AKAP6: variants seen among roughly 807,000 people sequenced by gnomAD.
AKAP6 encodes A-kinase anchor protein 6.
In AKAP6, 58 loss-of-function variants were observed where a neutral mutation model predicts 188.5. The observed-to-expected ratio is 0.31, with a 90% CI of 0.25 to 0.38. AKAP6 has a LOEUF of 0.38. AKAP6 is among the 10% of genes least tolerant of loss of function. AKAP6 has a pLI of 1.00. For synonymous variants in AKAP6, 989 were observed against 998.6 expected, an observed-to-expected ratio of 0.99 and a Z score of 0.18; for missense variants, 2,710 against 2,740.0, an observed-to-expected ratio of 0.99 and a Z score of 0.24.
chr14:32,676,482 C>G (rs1420398600), intron 7 of AKAP6, among the ~76,000 whole-genome samples: 1 of 152,156 alleles, frequency 6.6e-6, no homozygotes, highest in African/African-American at 2.4e-5. Flanking sequence ...ATACTAACAT[C>G]ACTAGATCTA....
At chr14:32,570,607 G>A (rs554058878) in intron 4 of AKAP6, among the ~76,000 whole-genome samples, 39 of 152,208 alleles carry the variant, frequency 2.6e-4, no homozygotes, top group African/African-American at 8.9e-4. Flanking sequence ...TTTACATCAG[G>A]CTTTAAACTA....
chr14:32,766,504 T>C (rs1464605810), intron 11 of AKAP6, among the ~76,000 whole-genome samples: 1 of 152,188 alleles, frequency 6.6e-6, no homozygotes, highest in Non-Finnish European at 1.5e-5. Flanking sequence ...CTCCACATCC[T>C]TGTTAACACT....
chr14:32,348,480 T>A (rs1887152189), intron 1 of AKAP6, among the ~76,000 whole-genome samples: 1 of 140,736 alleles, frequency 7.1e-6, no homozygotes. Context: ...AATGACACAA[T>A]CCCAGCCCAC....
At position 32,822,269 on chromosome 14, in the gene AKAP6, C is replaced by T. The variant is rs1437124203; in HGVS notation, c.4456C>T (p.Gln1486Ter). The change falls in exon 13 of 14, where the codon CAG becomes TAG. Residue 1486 changes from glutamine (Q) to a stop codon, truncating the protein, a stop_gained. Transcript: ENST00000280979. LOFTEE classifies it high-confidence loss of function. ...ACTCAAATTACCAATGATAATGAAA[C>T]AGTCACAAAGCGAAAAAGCGCATGT... ...SKLKLPMIMK[Q>*]SQSEKAHVED... 1.2e-6 allele frequency: 2 copies of T among 1,613,882 alleles called. No individual in the cohort carries two copies. The highest frequency in any genetic ancestry group is 1.7e-6 in the Non-Finnish European group (2 of 1,179,918).
At chr14:32,811,255 A>AT (rs1555364948) in intron 12 of AKAP6, among the ~76,000 whole-genome samples, 3 of 118,296 alleles carry the variant, frequency 2.5e-5, no homozygotes, top group African/African-American at 3.2e-5. Context: ...AAAAAAAAAA[A>AT]AGTTGAAAAA....
chr14:32,830,073 C>G lies in AKAP6; in HGVS notation c.*268C>G, dbSNP rs978393283. ...AAAGCTGCTTGTTCTCCCATGGATT[C>G]CTGTCCCAAGCTACCTCTACCAACC... On this transcript the variant is annotated 3_prime_UTR_variant, in exon 14 of 14. Coordinates refer to ENST00000280979, the MANE Select transcript of AKAP6 (RefSeq NM_004274.5). 2 of 666,728 alleles carry G rather than the reference C, an allele frequency of 3.0e-6. No homozygotes were observed. The highest frequency in any genetic ancestry group is 3.6e-5 in the African/African-American group (2 of 55,828). 41.3% of individuals were successfully genotyped at this position (666,728 alleles called of 1,614,324 possible).
chr14:32,511,169 G>T (rs1881238964), intron 2 of AKAP6, among the ~76,000 whole-genome samples: 1 of 152,152 alleles, frequency 6.6e-6, no homozygotes, highest in Admixed American at 6.5e-5. Context: ...TTTCCTTGTT[G>T]TCAGTGTTTT....
intron 1 of AKAP6, among the ~76,000 whole-genome samples, chr14:32,349,408 A>G (rs531896021): frequency 8.6e-4 from 131 of 152,308 alleles, no homozygotes; most frequent in Non-Finnish European, 1.6e-3. Flanking sequence ...AAAATGTTTT[A>G]TGGTGAAAGA....
chr14:32,607,906 CT>C, intron 7 of AKAP6, among the ~76,000 whole-genome samples: 1 of 152,058 alleles, frequency 6.6e-6, no homozygotes, highest in Non-Finnish European at 1.5e-5. Context: ...TCAATAGCCC[CT>C]TTTTTTCGTT....
intron 7 of AKAP6, among the ~76,000 whole-genome samples, chr14:32,637,705 C>T (rs1364565248): frequency 6.6e-6 from 1 of 151,944 alleles, no homozygotes; most frequent in East Asian, 1.9e-4. Context: ...AGAATAAGTG[C>T]ATTAACAATG....
chr14:32,735,909 A>T (rs913307944), intron 11 of AKAP6, 27 bp downstream of exon 11: 1 of 1,532,176 alleles, frequency 6.5e-7, no homozygotes, highest in Non-Finnish European at 8.9e-7. Flanking sequence ...CAAAGTTGAT[A>T]AAAAGCTCTT....
chr14:32,577,374 C>T (rs1884776209), intron 5 of AKAP6, 132 bp downstream of exon 5: 3 of 1,145,032 alleles, frequency 2.6e-6, no homozygotes, highest in Admixed American at 5.7e-5. Flanking sequence ...TTTAATGGGT[C>T]ACAGAAGATG....
At chr14:32,814,714 T>C (rs1262155226) in intron 12 of AKAP6, among the ~76,000 whole-genome samples, 1 of 152,168 alleles carries the variant, frequency 6.6e-6, no homozygotes, top group Non-Finnish European at 1.5e-5. Flanking sequence ...GATCACTCAG[T>C]AAATTTTTCC....
chr14:32,415,726 ACTGT>A (rs929630100), intron 1 of AKAP6, among the ~76,000 whole-genome samples: 1 of 152,126 alleles, frequency 6.6e-6, no homozygotes, highest in Non-Finnish European at 1.5e-5. Flanking sequence ...CCACAATTTT[ACTGT>A]CTGTCTCTAT....
At chr14:32,801,316 A>G (rs1199457793) in intron 12 of AKAP6, among the ~76,000 whole-genome samples, 1 of 152,036 alleles carries the variant, frequency 6.6e-6, no homozygotes, top group Non-Finnish European at 1.5e-5. Context: ...TAAAAAATTT[A>G]GAGGTTATCC....
At chr14:32,516,376 A>G (rs138163223) in intron 2 of AKAP6, among the ~76,000 whole-genome samples, 29 of 152,300 alleles carry the variant, frequency 1.9e-4, no homozygotes, top group East Asian at 5.8e-4. Context: ...TTAAAACTGT[A>G]TAATATGAAC....
At chr14:32,810,364 A>G (rs765224022) in intron 12 of AKAP6, among the ~76,000 whole-genome samples, 4 of 152,096 alleles carry the variant, frequency 2.6e-5, no homozygotes, top group Non-Finnish European at 5.9e-5. Context: ...TACAGTTTGA[A>G]TTAAGGTCCT....
At chr14:32,746,650 C>A (rs1038273280) in intron 11 of AKAP6, among the ~76,000 whole-genome samples, 4 of 152,042 alleles carry the variant, frequency 2.6e-5, no homozygotes, top group African/African-American at 9.7e-5. Flanking sequence ...CTGCCCCATC[C>A]GCTATTATGG....
chr14:32,817,702 CT>C (rs2034422796), intron 12 of AKAP6, among the ~76,000 whole-genome samples: 1 of 152,182 alleles, frequency 6.6e-6, no homozygotes, highest in African/African-American at 2.4e-5. Flanking sequence ...TAGATTTTGT[CT>C]AAATTCATTT....
Sources: allele counts gnomAD v4.1 joint callset (sites outside exome capture counted in the v4.1 genomes callset), GRCh38; gene constraint gnomAD v4.1.1; transcripts MANE v1.5; gene names NCBI Gene and HGNC (gene_info 2026-07-23, HGNC 2026-07-21).